The following UBE4B variants were observed in gnomAD, a reference collection of about 807,000 sequenced individuals.
UBE4B encodes ubiquitination factor E4B.
Under a neutral mutation model 148.1 loss-of-function variants are expected in UBE4B, and 27 were observed. The observed-to-expected ratio is 0.18, with a 90% confidence interval of 0.13 to 0.25. The LOEUF is 0.25. Ranked by LOEUF, UBE4B falls within the 10% of genes least tolerant of loss-of-function variation. The probability of loss-of-function intolerance (pLI) is 1.00; values close to 1 mark genes in which losing one functional copy is unlikely to be tolerated. For missense variants in UBE4B, 1,170 were observed against 1,662.4 expected, an observed-to-expected ratio of 0.70 and a Z score of 5.15; for synonymous variants, 596 against 619.3, an observed-to-expected ratio of 0.96 and a Z score of 0.56.
chr1:10,034,171 TGAGGGGTGGTTTACA>T (rs1279100630), intron 1 of UBE4B, among the ~76,000 whole-genome samples: 1 of 152,168 alleles, frequency 6.6e-6, no homozygotes, highest in Non-Finnish European at 1.5e-5. Flanking sequence ...TATTTTTGCT[TGAGGGGTGGTTTACA>T]GACAGATTCT....
In UBE4B at chr1:10,106,087, T is replaced by C; in HGVS notation, c.810-110T>C. Reference sequence around the variant, plus strand: ...TTAGATGTTTATCTGCTAGATATACTTGAACTGAAATGATTCTCCTTTAAA... The same window carrying C: ...TTAGATGTTTATCTGCTAGATATACCTGAACTGAAATGATTCTCCTTTAAA... On this transcript the variant is annotated intron_variant, in intron 6 of 27. Transcript: ENST00000343090. This position sits in a 1 kb window ranked among gnomAD's most constrained non-coding sequence, Gnocchi z 4.2. 1.6e-6 allele frequency: 2 copies of C among 1,275,084 alleles called. No individual in the cohort carries two copies. The highest frequency in any genetic ancestry group is 2.1e-6 in the Non-Finnish European group (2 of 931,704). 79.0% of individuals were successfully genotyped at this position (1,275,084 alleles called of 1,614,324 possible). A position where few individuals can be genotyped will look rare whatever the true frequency, so the allele number is the denominator to read the frequency against.
At chr1:10,045,555 TGAA>T (rs1376888781) in intron 1 of UBE4B, among the ~76,000 whole-genome samples, 1 of 152,180 alleles carries the variant, frequency 6.6e-6, no homozygotes, top group Non-Finnish European at 1.5e-5. Context: ...ACATATTTGA[TGAA>T]ATATGGTCTA....
Position 10,175,464 on chromosome 1 carries a change from A to C in UBE4B, c.3526-3180A>C, listed in dbSNP as rs1028467583. 1.2e-4 allele frequency among the ~76,000 whole-genome samples: 18 copies of C among 150,678 alleles called. No homozygotes were observed. The South Asian group carries it at 1.5e-3, about 12-fold the overall frequency. ...CAGGAGATCGAGACCGTCCTGGCTAACACGGTGAAACCCCATCTCTACTAA... is the reference window on the plus strand; with the variant it reads ...CAGGAGATCGAGACCGTCCTGGCTACCACGGTGAAACCCCATCTCTACTAA... On this transcript the variant is annotated intron_variant, in intron 25 of 27. Coordinates refer to ENST00000343090, the MANE Select transcript of UBE4B (RefSeq NM_001105562.3).
intron 25 of UBE4B, among the ~76,000 whole-genome samples, chr1:10,175,479 A>C (rs7553668): frequency 1.7e-4 from 25 of 149,916 alleles, no homozygotes; most frequent in Non-Finnish European, 1.0e-4. Flanking sequence ...GTGAAACCCC[A>C]TCTCTACTAA....
intron 10 of UBE4B, among the ~76,000 whole-genome samples, chr1:10,123,905 C>T (rs913111422): frequency 6.6e-6 from 1 of 152,146 alleles, no homozygotes; most frequent in Non-Finnish European, 1.5e-5. Flanking sequence ...TCCCAAGTAG[C>T]TGGGATTACA....
At chr1:10,158,078 T>C (rs1402382738) in intron 21 of UBE4B, among the ~76,000 whole-genome samples, 1 of 152,170 alleles carries the variant, frequency 6.6e-6, no homozygotes. Context: ...ATAATTCAGC[T>C]TTTGGTCATT....
At chr1:10,081,408 A>G (rs897219543) in intron 2 of UBE4B, among the ~76,000 whole-genome samples, 1 of 151,792 alleles carries the variant, frequency 6.6e-6, no homozygotes, top group Non-Finnish European at 1.5e-5. Flanking sequence ...ACATCCTTCC[A>G]TATCCTATTA....
chr1:10,154,970 C>G (rs950644257), intron 21 of UBE4B, among the ~76,000 whole-genome samples: 6 of 151,778 alleles, frequency 4.0e-5, no homozygotes, highest in Admixed American at 1.3e-4. Flanking sequence ...CTTAATTTTT[C>G]TACAGTAAAC....
At chr1:10,107,360 C>T (rs1466377604) in intron 7 of UBE4B, 1 of 1,288,152 alleles carries the variant, frequency 7.8e-7, no homozygotes, top group Admixed American at 2.3e-5. Flanking sequence ...TTTCTTGTGT[C>T]CAGTTTGGGT....
Position 10,139,466 on chromosome 1 carries a change from A to ATTAT in UBE4B, c.2363+2261_2363+2262insTTAT, listed in dbSNP as rs1235425089. Among the ~76,000 whole-genome samples the ATTAT allele has an allele frequency of 8.5e-5, 13 of 152,270 alleles. 1 individual carries two copies. In the East Asian group the frequency reaches 2.5e-3, roughly 29 times the overall value. On this transcript the variant is annotated intron_variant, in intron 17 of 27. Transcript: ENST00000343090. ...GTTCCCTGGAAGAGTTTATTGTATA[A>ATTAT]GAATTATGTTGTTTCTTCCTTAAAT...
At chr1:10,119,764 G>A (rs1326210350) in intron 9 of UBE4B, 151 bp downstream of exon 9, 1 of 579,264 alleles carries the variant, frequency 1.7e-6, no homozygotes, top group Non-Finnish European at 3.0e-6. Context: ...AAAATACTAT[G>A]AAAATAAACA....
chr1:10,135,120 C>A lies in UBE4B; in HGVS notation c.2158C>A (p.Leu720Ile), dbSNP rs1426516833. 6.2e-7 allele frequency: 1 copy of A among 1,614,046 alleles called. No individual in the cohort carries two copies. The highest frequency in any genetic ancestry group is 8.5e-7 in the Non-Finnish European group (1 of 1,179,992). The change falls in exon 16 of 28, where the codon CTT (leucine) becomes ATT (isoleucine). Residue 720 changes from leucine to isoleucine, a missense_variant. Around this residue, in one of 6 missense-constraint regions of UBE4B, gnomAD observed 388 missense variants for 536.0 expected, o/e 0.72. Transcript: ENST00000343090. Reference protein sequence around the residue: ...YIFHPRCRITLPNDETRVNAT... With the variant: ...YIFHPRCRITIPNDETRVNAT... ...TTTTCACCCAAGATGTCGGATTACTCTTCCCAATGATGAGACGCGTGTGAA... is the reference window on the plus strand; with the variant it reads ...TTTTCACCCAAGATGTCGGATTACTATTCCCAATGATGAGACGCGTGTGAA...
At chr1:10,076,530 T>C (rs1644585484) in intron 2 of UBE4B, among the ~76,000 whole-genome samples, 1 of 151,952 alleles carries the variant, frequency 6.6e-6, no homozygotes, top group Non-Finnish European at 1.5e-5. Context: ...ACACGTGAGC[T>C]ACCACGCCTG....
chr1:10,165,667 G>A (rs1206721223), intron 23 of UBE4B, among the ~76,000 whole-genome samples: 7 of 152,044 alleles, frequency 4.6e-5, no homozygotes, highest in South Asian at 2.1e-4. Flanking sequence ...CCACTGACAC[G>A]TGAGGGCCTT....
intron 2 of UBE4B, among the ~76,000 whole-genome samples, chr1:10,086,684 A>C (rs1390840884): frequency 6.6e-6 from 1 of 151,928 alleles, no homozygotes; most frequent in Non-Finnish European, 1.5e-5. Context: ...TGGTGGGATA[A>C]GGTTCCCTCT....
intron 25 of UBE4B, among the ~76,000 whole-genome samples, chr1:10,177,228 A>G (rs564059581): frequency 6.6e-6 from 1 of 151,762 alleles, no homozygotes; most frequent in South Asian, 2.1e-4. Flanking sequence ...TTATGAAGAA[A>G]AGAGGTTTAG....
At chr1:10,089,589 C>T (rs180972998) in intron 2 of UBE4B, among the ~76,000 whole-genome samples, 134 of 151,874 alleles carry the variant, frequency 8.8e-4, no homozygotes, top group East Asian at 3.5e-3. Flanking sequence ...TGAATATTAA[C>T]GCTTTAGCTT....
intron 1 of UBE4B, among the ~76,000 whole-genome samples, chr1:10,043,490 G>A (rs375904050): frequency 2.8e-5 from 4 of 141,894 alleles, no homozygotes; most frequent in African/African-American, 1.1e-4. Flanking sequence ...GCAGTGGCGC[G>A]ATCTCGGCTC....
At position 10,123,732 on chromosome 1, in the gene UBE4B, T is replaced by G. The variant is rs1645447135; in HGVS notation, c.1554+1656T>G. ...AAGTCCTGCATTTTTTAAATTAAGA[T>G]GAAATTCATATAACATCAAACCACC... is the stretch of plus-strand genomic sequence containing the variant. On this transcript the variant is annotated intron_variant, in intron 10 of 27. Coordinates refer to ENST00000343090, the MANE Select transcript of UBE4B (RefSeq NM_001105562.3). Among the ~76,000 whole-genome samples, 4 of 152,168 alleles carry G rather than the reference T, an allele frequency of 2.6e-5. No individual in the cohort carries two copies. In the South Asian group the frequency reaches 8.3e-4, roughly 32 times the overall value.
Sources: gnomAD v4.1 joint callset for allele counts (sites outside exome capture counted in the v4.1 genomes callset) on GRCh38, gnomAD v4.1.1 for gene constraint, gnomAD v4.1.1 regional missense constraint, Gnocchi (gnomAD v3.1) non-coding constraint, MANE v1.5 for transcripts, NCBI Gene and HGNC (gene_info 2026-07-23, HGNC 2026-07-21) for gene names.